Variants in ADORA1 observed in about 807,000 individuals in gnomAD.
ADORA1 encodes the protein adenosine A1 receptor, also known as adenosine receptor A1.
ADORA1 carries 6 observed loss-of-function variants against 19.9 expected under a neutral mutation model. The ratio of observed to expected loss-of-function variants is 0.30; its 90% CI spans 0.17 to 0.59. ADORA1 has a LOEUF of 0.59. Among genes scored for constraint, ADORA1 ranks in the 20% least tolerant of loss-of-function variants. The probability of loss-of-function intolerance (pLI) is 0.87; values close to 1 mark genes in which losing one functional copy is unlikely to be tolerated. For synonymous variants in ADORA1, 194 were observed against 188.4 expected (o/e 1.03, Z -0.24); for missense variants, 302 against 439.2 (o/e 0.69, Z 2.79).
At chr1:203,149,124 C>A (rs1480547258) in intron 3 of ADORA1, among the ~76,000 whole-genome samples, 1 of 152,144 alleles carries the variant, frequency 6.6e-6, no homozygotes, top group Non-Finnish European at 1.5e-5. Flanking sequence ...GTGGTCCACC[C>A]TCCTCAGCCT....
intron 3 of ADORA1, among the ~76,000 whole-genome samples, chr1:203,145,813 C>T (rs1654840742): frequency 1.3e-5 from 2 of 152,142 alleles, no homozygotes; most frequent in Admixed American, 6.5e-5. Flanking sequence ...TGGATAGTGG[C>T]GGGTGTGTCT....
chr1:203,133,009 G>A (rs1026177838), intron 3 of ADORA1, among the ~76,000 whole-genome samples: 1 of 152,094 alleles, frequency 6.6e-6, no homozygotes, highest in Non-Finnish European at 1.5e-5. Context: ...TTAGCTCCTA[G>A]TGAGTGTATG....
chr1:203,135,469 G>T (rs962052384), intron 3 of ADORA1, among the ~76,000 whole-genome samples: 1 of 152,064 alleles, frequency 6.6e-6, no homozygotes, highest in Non-Finnish European at 1.5e-5. Context: ...GACCATCTTG[G>T]CCAGCATGGT....
intron 3 of ADORA1, among the ~76,000 whole-genome samples, chr1:203,137,708 C>T (rs1380062438): frequency 2.0e-5 from 3 of 152,118 alleles, no homozygotes; most frequent in African/African-American, 7.2e-5. Flanking sequence ...GCATAAACCT[C>T]AAGTACTCAG....
chr1:203,146,687 A>C (rs774767552), intron 3 of ADORA1, among the ~76,000 whole-genome samples: 1 of 151,956 alleles, frequency 6.6e-6, no homozygotes, highest in Non-Finnish European at 1.5e-5. Flanking sequence ...CAGAGAAATC[A>C]GCACTGGCCA....
intron 3 of ADORA1, among the ~76,000 whole-genome samples, chr1:203,143,107 T>G (rs1284236728): frequency 6.6e-6 from 1 of 152,200 alleles, no homozygotes; most frequent in Non-Finnish European, 1.5e-5. Flanking sequence ...GTCTGTTTTC[T>G]GTTGCTGTAA....
At position 203,148,177 on chromosome 1, in the gene ADORA1, C is replaced by T. The variant is rs533561846; in HGVS notation, c.342-17084C>T. Among the ~76,000 whole-genome samples, 63 of 152,294 alleles carry T rather than the reference C, an allele frequency of 4.1e-4. No homozygotes were observed. The East Asian group carries it at 0.012, about 29-fold the overall frequency. ...GAGGTTGCTGTGAGCTGAGATCCCG[C>T]ACCACTGCACTCAAGCCTGGGTGAC... On this transcript the variant is annotated intron_variant, in intron 3 of 3. Transcript: ENST00000337894.
chr1:203,134,761 C>CAACAGAGAACCACCTACAGA (rs1654453093), intron 3 of ADORA1, among the ~76,000 whole-genome samples: 1 of 152,064 alleles, frequency 6.6e-6, no homozygotes, highest in Non-Finnish European at 1.5e-5. Flanking sequence ...AGAGAACTAC[C>CAACAGAGAACCACCTACAGA]GTTAACATTT....
At chr1:203,155,058 GT>G (rs1655156825) in intron 3 of ADORA1, among the ~76,000 whole-genome samples, 1 of 116,290 alleles carries the variant, frequency 8.6e-6, no homozygotes, top group Non-Finnish European at 1.8e-5. Context: ...TATTATTATT[GT>G]TATTTTGAGA....
chr1:203,147,042 G>A (rs758238092), intron 3 of ADORA1, among the ~76,000 whole-genome samples: 1 of 152,216 alleles, frequency 6.6e-6, no homozygotes, highest in Non-Finnish European at 1.5e-5. Context: ...CAGAGGCAGA[G>A]GAGACTGGGT....
intron 3 of ADORA1, among the ~76,000 whole-genome samples, chr1:203,147,895 G>A (rs981764164): frequency 3.9e-5 from 6 of 152,130 alleles, no homozygotes; most frequent in Admixed American, 3.9e-4. Context: ...TACAATTAAT[G>A]TTTTTCAGTA....
intron 3 of ADORA1, among the ~76,000 whole-genome samples, chr1:203,164,894 G>A (rs977591986): frequency 2.0e-5 from 3 of 152,150 alleles, no homozygotes; most frequent in Non-Finnish European, 2.9e-5. Context: ...CTTCCTACGC[G>A]ACAAAGGCTG....
intron 3 of ADORA1, among the ~76,000 whole-genome samples, chr1:203,148,952 A>T (rs141417106): frequency 1.3e-5 from 2 of 151,700 alleles, no homozygotes; most frequent in African/African-American, 4.9e-5. Flanking sequence ...ATTTCGGCTC[A>T]CTGCAACCTC....
chr1:203,135,827 C>T (rs1654487484), intron 3 of ADORA1, among the ~76,000 whole-genome samples: 3 of 152,136 alleles, frequency 2.0e-5, no homozygotes, highest in Non-Finnish European at 4.4e-5. Context: ...TCCCAAGTCC[C>T]TTTACTCCAA....
intron 3 of ADORA1, among the ~76,000 whole-genome samples, chr1:203,155,102 C>A (rs1393968397): frequency 6.6e-6 from 1 of 151,466 alleles, no homozygotes; most frequent in African/African-American, 2.4e-5. Context: ...GGCTGGAGTT[C>A]AGTGGCATGG....
At chr1:203,147,625 G>C (rs1330532505) in intron 3 of ADORA1, among the ~76,000 whole-genome samples, 1 of 152,132 alleles carries the variant, frequency 6.6e-6, no homozygotes, top group Non-Finnish European at 1.5e-5. Flanking sequence ...CAGATTGTCT[G>C]ACTCATCATC....
chr1:203,128,316 T>C lies in ADORA1; in HGVS notation c.-174T>C, dbSNP rs56013939. 480 of 1,286,048 alleles carry C rather than the reference T, an allele frequency of 3.7e-4. 2 individuals are homozygous for C. The highest frequency in any genetic ancestry group is 2.2e-3 in the Middle Eastern group (10 of 4,564). The allele number at this position is 1,286,048 out of a possible 1,614,324, so 79.7% of individuals were successfully genotyped here. ...CGCTGCGGCGGGAGCCGGAGGACTA[T>C]GAGCTGCCGCGCGTTGTCCAGAGCC... On this transcript the variant is annotated 5_prime_UTR_variant, in exon 2 of 4. The change abolishes an upstream ATG in the 5' untranslated region. Coordinates refer to ENST00000337894, the MANE Select transcript of ADORA1 (RefSeq NM_000674.3). This position sits in a 1 kb window ranked among gnomAD's most constrained non-coding sequence, Gnocchi z 5.9.
At chr1:203,154,664 C>T (rs759025504) in intron 3 of ADORA1, among the ~76,000 whole-genome samples, 17 of 152,156 alleles carry the variant, frequency 1.1e-4, no homozygotes, top group Non-Finnish European at 2.2e-4. Flanking sequence ...TCCCCACCAC[C>T]GCCCCATCCC....
intron 3 of ADORA1, among the ~76,000 whole-genome samples, chr1:203,141,326 C>T (rs1654682986): frequency 6.6e-6 from 1 of 152,232 alleles, no homozygotes; most frequent in South Asian, 2.1e-4. Context: ...AGAGCCAGAC[C>T]TCTCAGCTCT....
Sources: gnomAD v4.1 joint callset for allele counts (sites outside exome capture counted in the v4.1 genomes callset) on GRCh38, gnomAD v4.1.1 for gene constraint, Gnocchi (gnomAD v3.1) non-coding constraint, MANE v1.5 for transcripts, NCBI Gene and HGNC (gene_info 2026-07-23, HGNC 2026-07-21) for gene names.